BIRC6: variants seen among roughly 807,000 people sequenced by gnomAD.
The protein encoded by BIRC6 is baculoviral IAP repeat containing 6.
Under a neutral mutation model 503.3 loss-of-function variants are expected in BIRC6, and 98 were observed. The ratio of observed to expected loss-of-function variants is 0.19; its 90% CI spans 0.17 to 0.23. BIRC6 has a LOEUF of 0.23. BIRC6 is among the 10% of genes least tolerant of loss of function. The pLI, the probability that BIRC6 is intolerant of heterozygous loss-of-function variation, is 1.00. For synonymous variants in BIRC6, 2,240 were observed against 2,078.7 expected, an observed-to-expected ratio of 1.08 and a Z score of -2.11; for missense variants, 5,360 against 5,806.0, an observed-to-expected ratio of 0.92 and a Z score of 2.50.
intron 46 of BIRC6, 69 bp downstream of exon 46, chr2:32,500,178 A>G (rs1286619602): frequency 2.5e-5 from 34 of 1,346,614 alleles, no homozygotes; most frequent in African/African-American, 4.4e-5. Context: ...TAAGCAATAT[A>G]TGGATTCATT....
chr2:32,524,043 T>TAA (rs72216981), intron 57 of BIRC6, among the ~76,000 whole-genome samples: 6 of 143,716 alleles, frequency 4.2e-5, no homozygotes, highest in Admixed American at 6.9e-5. Context: ...GACCTTATCT[T>TAA]AAAAAAAAAA....
At chr2:32,492,181 C>T (rs2051811235) in intron 44 of BIRC6, among the ~76,000 whole-genome samples, 1 of 151,984 alleles carries the variant, frequency 6.6e-6, no homozygotes, top group Non-Finnish European at 1.5e-5. Context: ...TTTTAAACTT[C>T]TTGGATTTGC....
intron 45 of BIRC6, among the ~76,000 whole-genome samples, chr2:32,495,790 G>GTTTT (rs11464835): frequency 1.8e-4 from 15 of 84,800 alleles, no homozygotes; most frequent in East Asian, 3.7e-4. Flanking sequence ...TCAGGATGAA[G>GTTTT]TTTTTTTTTT....
chr2:32,422,286 G>A (rs941883820), intron 10 of BIRC6, among the ~76,000 whole-genome samples: 1 of 152,096 alleles, frequency 6.6e-6, no homozygotes, highest in Non-Finnish European at 1.5e-5. Context: ...GGTAATTATT[G>A]CTATGGTTGC....
At chr2:32,602,022 A>G (rs944534284) in intron 70 of BIRC6, among the ~76,000 whole-genome samples, 1 of 152,192 alleles carries the variant, frequency 6.6e-6, no homozygotes, top group African/African-American at 2.4e-5. Flanking sequence ...AAATAGTACC[A>G]CTTTTATTAA....
intron 15 of BIRC6, among the ~76,000 whole-genome samples, chr2:32,437,336 C>T (rs1283304006): frequency 6.6e-6 from 1 of 152,092 alleles, no homozygotes; most frequent in African/African-American, 2.4e-5. Context: ...ACGTTTTCAG[C>T]TTTTGTATTC....
At chr2:32,598,077 C>G in intron 69 of BIRC6, 109 bp downstream of exon 69, 1 of 1,102,500 alleles carries the variant, frequency 9.1e-7, no homozygotes, top group Non-Finnish European at 1.3e-6. Flanking sequence ...ATACAAAACA[C>G]TAGAAATTTT....
chr2:32,493,480 T>C, intron 44 of BIRC6, 60 bp from the exon 45 acceptor site: 1 of 1,462,710 alleles, frequency 6.8e-7, no homozygotes, highest in Non-Finnish European at 9.2e-7. Context: ...AATTTTTAAA[T>C]GAATGATTTT....
chr2:32,373,501 C>A (rs1361183495), intron 1 of BIRC6, among the ~76,000 whole-genome samples: 1 of 152,156 alleles, frequency 6.6e-6, no homozygotes, highest in Non-Finnish European at 1.5e-5. Context: ...ATCTTTTCAA[C>A]AAATGTTGCT....
rs190175579 is a variant in BIRC6, at chr2:32,378,778, A to G, written c.507+1009A>G. ...AGCCACACAACCAGTAATTTTTGCT[A>G]TGCATCATGTCTTTCAATAACTTGA... On this transcript the variant is annotated intron_variant, in intron 2 of 73. Coordinates refer to ENST00000421745, the MANE Select transcript of BIRC6 (RefSeq NM_016252.4). 3.7e-4 allele frequency among the ~76,000 whole-genome samples: 57 copies of G among 152,284 alleles called. 1 individual carries two copies. The East Asian group carries it at 9.8e-3, about 26-fold the overall frequency.
At chr2:32,524,421 A>C (rs1158712529) in intron 57 of BIRC6, among the ~76,000 whole-genome samples, 2 of 152,198 alleles carry the variant, frequency 1.3e-5, no homozygotes, top group Admixed American at 1.3e-4. Flanking sequence ...GTTTAATGCT[A>C]TAGACTGAAT....
At chr2:32,541,643 G>A (rs554138319) in intron 61 of BIRC6, among the ~76,000 whole-genome samples, 25 of 152,176 alleles carry the variant, frequency 1.6e-4, no homozygotes, top group African/African-American at 6.0e-4. Flanking sequence ...TTAATTATAT[G>A]TTTGAGTGTG....
intron 55 of BIRC6, among the ~76,000 whole-genome samples, chr2:32,516,192 A>T (rs2055016992): frequency 6.6e-6 from 1 of 152,198 alleles, no homozygotes; most frequent in Admixed American, 6.5e-5. Flanking sequence ...GGTTTCAGAT[A>T]GGAGACTCCA....
intron 66 of BIRC6, among the ~76,000 whole-genome samples, chr2:32,580,075 T>C (rs1192102924): frequency 6.6e-6 from 1 of 151,396 alleles, no homozygotes; most frequent in Non-Finnish European, 1.5e-5. Flanking sequence ...TGCTTCAGCC[T>C]CCCGAGTAGC....
At chr2:32,417,786 AT>A (rs746189140) in intron 10 of BIRC6, among the ~76,000 whole-genome samples, 2 of 151,854 alleles carry the variant, frequency 1.3e-5, no homozygotes, top group Non-Finnish European at 2.9e-5. Context: ...TTTTATTTTT[AT>A]TTTTTGTTTT....
rs1573954663 is a variant in BIRC6, at chr2:32,401,578, A to C, written c.1373A>C (p.Glu458Ala). ...DSRRPTLAWL[E>A]DSSSCSDIPK... ...AGGAGACCAACTTTGGCGTGGCTGG[A>C]GGACTCCTCTAGTTGCTCAGATATA... Residue 458 changes from glutamate to alanine, a missense_variant, in exon 8 of 74, where the codon GAG becomes GCG. Physicochemically the swap from Glu to Ala is moderately radical, Grantham distance 107. Around this residue, in one of 16 missense-constraint regions of BIRC6, gnomAD observed 700 missense variants for 739.3 expected, o/e 0.95. Coordinates refer to ENST00000421745, the MANE Select transcript of BIRC6 (RefSeq NM_016252.4). 6.2e-7 allele frequency: 1 copy of C among 1,614,036 alleles called. No individual in the cohort carries two copies. The highest frequency in any genetic ancestry group is 8.5e-7 in the Non-Finnish European group (1 of 1,179,890).
chr2:32,577,265 A>C (rs1348607319), intron 66 of BIRC6, among the ~76,000 whole-genome samples: 1 of 152,038 alleles, frequency 6.6e-6, no homozygotes, highest in Non-Finnish European at 1.5e-5. Flanking sequence ...AACTGCCATC[A>C]TGTCTTTTTA....
At chr2:32,369,470 C>T (rs144383784) in intron 1 of BIRC6, among the ~76,000 whole-genome samples, 148 of 148,298 alleles carry the variant, frequency 1.0e-3, no homozygotes, top group African/African-American at 3.2e-3. Flanking sequence ...CTCTGTTGCT[C>T]AGGCTGGAGT....
At chr2:32,414,562 G>T (rs2042223212) in intron 9 of BIRC6, among the ~76,000 whole-genome samples, 1 of 152,142 alleles carries the variant, frequency 6.6e-6, no homozygotes, top group African/African-American at 2.4e-5. Flanking sequence ...AGCTACTTGG[G>T]AGGCTGAGGC....
Sources: gnomAD v4.1 joint callset for allele counts (sites outside exome capture counted in the v4.1 genomes callset) on GRCh38, gnomAD v4.1.1 for gene constraint, gnomAD v4.1.1 regional missense constraint, MANE v1.5 for transcripts, NCBI Gene and HGNC (gene_info 2026-07-23, HGNC 2026-07-21) for gene names.